The following CTNNA3 variants were observed in gnomAD, a reference collection of about 807,000 sequenced individuals.
CTNNA3 encodes catenin alpha 3.
CTNNA3 carries 76 observed loss-of-function variants against 95.7 expected under a neutral mutation model. The ratio of observed to expected loss-of-function variants is 0.79; its 90% CI spans 0.66 to 0.96. CTNNA3 has a LOEUF of 0.96. Ranked by LOEUF, CTNNA3 falls within the 40% of genes least tolerant of loss-of-function variation. The pLI, the probability that CTNNA3 is intolerant of heterozygous loss-of-function variation, is 0.00. For missense variants in CTNNA3, 1,191 were observed against 1,089.8 expected, an observed-to-expected ratio of 1.09 and a Z score of -1.31; for synonymous variants, 431 against 374.4, an observed-to-expected ratio of 1.15 and a Z score of -1.74.
chr10:67,380,609 T>G (rs1843905195), intron 5 of CTNNA3, among the ~76,000 whole-genome samples: 1 of 152,188 alleles, frequency 6.6e-6, no homozygotes, highest in African/African-American at 2.4e-5. Context: ...TATACTCAAC[T>G]GTCTAAATGA....
chr10:67,343,282 T>G (rs1050542238), intron 5 of CTNNA3, among the ~76,000 whole-genome samples: 1 of 152,182 alleles, frequency 6.6e-6, no homozygotes, highest in African/African-American at 2.4e-5. Context: ...TTTTTCTATT[T>G]CTGTGAAGAA....
intron 7 of CTNNA3, among the ~76,000 whole-genome samples, chr10:66,967,567 G>A (rs1849502252): frequency 6.6e-6 from 1 of 151,886 alleles, no homozygotes; most frequent in Admixed American, 6.6e-5. Context: ...CCTTTAAGCA[G>A]TATGCAAATG....
intron 1 of CTNNA3, among the ~76,000 whole-genome samples, chr10:67,676,848 G>C (rs1170274412): frequency 6.6e-6 from 1 of 152,170 alleles, no homozygotes; most frequent in Non-Finnish European, 1.5e-5. Context: ...GGCTGAGTCA[G>C]GAGGGCCTTC....
chr10:66,542,324 A>G (rs1019666798), intron 10 of CTNNA3, among the ~76,000 whole-genome samples: 2 of 152,100 alleles, frequency 1.3e-5, no homozygotes, highest in African/African-American at 4.8e-5. Context: ...TGTGGAAGAC[A>G]GTGTGGTGAT....
intron 7 of CTNNA3, among the ~76,000 whole-genome samples, chr10:66,890,571 A>G (rs1412370005): frequency 6.6e-6 from 1 of 152,096 alleles, no homozygotes; most frequent in Admixed American, 6.6e-5. Flanking sequence ...TTCAACAAGA[A>G]CAATTTGAAG....
chr10:66,921,808 T>C lies in CTNNA3; in HGVS notation c.1048-146284A>G, dbSNP rs74141735. On this transcript the variant is annotated intron_variant, in intron 7 of 17. Transcript: ENST00000433211. ...TGTTTATTTTTAATTGTCTGTCTTA[T>C]CCCTTTAGAATGTAATCTTCACAAG... Among the ~76,000 whole-genome samples the C allele has an allele frequency of 4.0e-3, 602 of 152,366 alleles. 4 individuals carry two copies. Among genetic ancestry groups the C allele is most frequent in the African/African-American group, 0.014 (578 of 41,588 alleles).
At chr10:67,714,217 C>A (rs947207016) in intron 1 of CTNNA3, among the ~76,000 whole-genome samples, 20 of 152,172 alleles carry the variant, frequency 1.3e-4, no homozygotes, top group African/African-American at 4.8e-4. Flanking sequence ...CTTGCACCAT[C>A]CATGCACCTG....
chr10:66,303,279 G>A (rs924677763), intron 12 of CTNNA3, among the ~76,000 whole-genome samples: 1 of 151,756 alleles, frequency 6.6e-6, no homozygotes, highest in Admixed American at 6.6e-5. Context: ...CAGAGCAAAG[G>A]TTAAGAATAA....
intron 7 of CTNNA3, among the ~76,000 whole-genome samples, chr10:67,153,443 A>G (rs1264504924): frequency 6.6e-6 from 1 of 152,230 alleles, no homozygotes; most frequent in Non-Finnish European, 1.5e-5. Flanking sequence ...ATCTCATGTC[A>G]TCATCAAAAC....
At chr10:67,463,484 C>A (rs939437013) in intron 5 of CTNNA3, among the ~76,000 whole-genome samples, 2 of 152,126 alleles carry the variant, frequency 1.3e-5, no homozygotes, top group African/African-American at 2.4e-5. Context: ...GCCTTTCTAG[C>A]TGAACTTAAA....
intron 7 of CTNNA3, among the ~76,000 whole-genome samples, chr10:66,871,176 A>G (rs936916910): frequency 1.3e-5 from 2 of 152,224 alleles, no homozygotes; most frequent in Admixed American, 6.5e-5. Context: ...AAAGCTGACC[A>G]TCTTAGGTTG....
chr10:67,266,629 A>G (rs970606297), intron 5 of CTNNA3, among the ~76,000 whole-genome samples: 1 of 152,178 alleles, frequency 6.6e-6, no homozygotes, highest in Non-Finnish European at 1.5e-5. Flanking sequence ...GTGAGTAACT[A>G]TCATGATAAG....
chr10:66,250,614 T>C (rs1050648278), intron 13 of CTNNA3, among the ~76,000 whole-genome samples: 5 of 152,152 alleles, frequency 3.3e-5, no homozygotes, highest in African/African-American at 1.2e-4. Context: ...AAATTTCTTA[T>C]AGCATCTGGA....
intron 7 of CTNNA3, among the ~76,000 whole-genome samples, chr10:66,918,819 T>C (rs967774601): frequency 4.0e-5 from 6 of 150,210 alleles, no homozygotes; most frequent in African/African-American, 9.8e-5. Context: ...GATAGATAAA[T>C]AGAGAGAGAG....
At chr10:67,557,080 A>C (rs1841286429) in intron 3 of CTNNA3, among the ~76,000 whole-genome samples, 1 of 152,030 alleles carries the variant, frequency 6.6e-6, no homozygotes, top group South Asian at 2.1e-4. Context: ...TTAGTTTCTT[A>C]ATCCTGACTT....
chr10:66,861,172 C>T (rs1266617738), intron 7 of CTNNA3, among the ~76,000 whole-genome samples: 2 of 152,126 alleles, frequency 1.3e-5, no homozygotes, highest in Admixed American at 1.3e-4. Context: ...GCAGTCACTG[C>T]CCTAAAAGAA....
intron 6 of CTNNA3, among the ~76,000 whole-genome samples, chr10:67,206,948 T>G (rs189001697): frequency 6.6e-6 from 1 of 152,004 alleles, no homozygotes; most frequent in Non-Finnish European, 1.5e-5. Context: ...TAAGCCAACA[T>G]GGTGAAACCC....
intron 15 of CTNNA3, among the ~76,000 whole-genome samples, chr10:66,039,766 C>T (rs1047371779): frequency 5.3e-5 from 8 of 152,110 alleles, no homozygotes; most frequent in African/African-American, 1.7e-4. Context: ...AAACCCCAGA[C>T]TATAAAAACC....
intron 11 of CTNNA3, among the ~76,000 whole-genome samples, chr10:66,402,557 T>A (rs375152432): frequency 6.6e-6 from 1 of 152,168 alleles, no homozygotes; most frequent in East Asian, 1.9e-4. Context: ...ACCTGAAATA[T>A]TATTGAGATA....
Sources: allele counts gnomAD v4.1 joint callset (sites outside exome capture counted in the v4.1 genomes callset), GRCh38; gene constraint gnomAD v4.1.1; transcripts MANE v1.5; gene names NCBI Gene and HGNC (gene_info 2026-07-23, HGNC 2026-07-21).